Variants in TWF2 observed in about 807,000 individuals in gnomAD.
The protein encoded by TWF2 is twinfilin-2.
A neutral mutation model predicts 45.1 loss-of-function variants in TWF2; 15 were observed. The observed-to-expected ratio is 0.33, with a 90% CI of 0.22 to 0.51. The LOEUF is 0.51. Ranked by LOEUF, TWF2 falls within the 20% of genes least tolerant of loss-of-function variation. TWF2 has a pLI of 0.97. For missense variants in TWF2, 423 were observed against 469.1 expected (o/e 0.90, Z 0.91); for synonymous variants, 177 against 195.8 (o/e 0.90, Z 0.80).
At chr3:52,234,948 G>A in intron 2 of TWF2, 81 bp downstream of exon 2, 1 of 1,523,660 alleles carries the variant, frequency 6.6e-7, no homozygotes, top group Non-Finnish European at 9.0e-7. Flanking sequence ...CAGGCCAGGG[G>A]CCAACATCCT....
At chr3:52,231,737 CA>C (rs1699680871) in intron 3 of TWF2, among the ~76,000 whole-genome samples, 198 bp from the exon 4 acceptor site, 1 of 152,236 alleles carries the variant, frequency 6.6e-6, no homozygotes, top group Non-Finnish European at 1.5e-5. Context: ...CCTCCGGAGC[CA>C]GGCTGATGCC....
intron 5 of TWF2, 21 bp downstream of exon 5, chr3:52,231,106 G>C: frequency 6.2e-7 from 1 of 1,613,882 alleles, no homozygotes; most frequent in East Asian, 2.2e-5. Context: ...CTCAAGGCTG[G>C]GGCCTCTGCT....
At chr3:52,233,434 T>C (rs1443506177) in intron 2 of TWF2, among the ~76,000 whole-genome samples, 2 of 152,208 alleles carry the variant, frequency 1.3e-5, no homozygotes, top group Non-Finnish European at 2.9e-5. Context: ...ATTTTCAAAC[T>C]GGGAAATTTT....
chr3:52,231,029 C>A (rs1215763416), intron 5 of TWF2, 34 bp from the exon 6 acceptor site: 1 of 1,609,658 alleles, frequency 6.2e-7, no homozygotes. Flanking sequence ...GAGGCCCTCA[C>A]CGGCCCAAAG....
At chr3:52,230,383 C>T (rs1018421239) in intron 6 of TWF2, among the ~76,000 whole-genome samples, 2 of 152,234 alleles carry the variant, frequency 1.3e-5, no homozygotes, top group African/African-American at 4.8e-5. Flanking sequence ...TGCCACTGGG[C>T]CAGCCCATCC....
chr3:52,231,299 G>A (rs1699675411), intron 4 of TWF2, 68 bp from the exon 5 acceptor site: 1 of 1,588,976 alleles, frequency 6.3e-7, no homozygotes, highest in Admixed American at 1.7e-5. Flanking sequence ...GAGGCCCACG[G>A]AGCACGCCAG....
chr3:52,231,317 C>T, intron 4 of TWF2, 86 bp from the exon 5 acceptor site: 1 of 1,574,514 alleles, frequency 6.4e-7, no homozygotes, highest in Non-Finnish European at 8.7e-7. Flanking sequence ...CAGCTTGCAG[C>T]CCTTGGACTC....
In TWF2 at chr3:52,231,251, T is replaced by C; in HGVS notation, c.379-20A>G. 6.2e-7 allele frequency: 1 copy of C among 1,613,532 alleles called. No homozygotes were observed. The highest frequency in any genetic ancestry group is 8.5e-7 in the Non-Finnish European group (1 of 1,179,586). ...GTCATCCTGCAGGGGTGGGGGTGAATGCAGAGCCATAAATGGGCACCTGGG... is the reference window on the plus strand; with the variant it reads ...GTCATCCTGCAGGGGTGGGGGTGAACGCAGAGCCATAAATGGGCACCTGGG... On this transcript the variant is annotated intron_variant, in intron 4 of 8. Coordinates refer to ENST00000305533, the MANE Select transcript of TWF2 (RefSeq NM_007284.4).
Position 52,231,124 on chromosome 3 carries a change from C to A in TWF2, c.483+3G>T, listed in dbSNP as rs2107301618. On this transcript the variant is annotated splice_donor_region_variant and intron_variant, in intron 5 of 8. Transcript: ENST00000305533. ...AAGGCTGGGGCCTCTGCTCCCCACC[C>A]ACCTCGTTAATGCGGATCTGCTGGA... 6.2e-7 allele frequency: 1 copy of A among 1,614,020 alleles called. No homozygotes were observed. The highest frequency in any genetic ancestry group is 1.1e-5 in the South Asian group (1 of 91,072).
rs1699652441 is a variant in TWF2, at chr3:52,229,093, C to G, written c.991G>C (p.Gly331Arg). ...ATGAGGCGCTTATGGCCCCGCTTGCCCCCTGGGCCCTTGGGCTTGGCGAAG... is the reference window on the plus strand; with the variant it reads ...ATGAGGCGCTTATGGCCCCGCTTGCGCCCTGGGCCCTTGGGCTTGGCGAAG... Reference protein sequence around the residue: ...QAFAKPKGPGGKRGHKRLIRG... With the variant: ...QAFAKPKGPGRKRGHKRLIRG... Residue 331 changes from glycine (G) to arginine (R), a missense_variant, in exon 9 of 9, where the codon GGC (glycine) becomes CGC (arginine). Coordinates refer to ENST00000305533, the MANE Select transcript of TWF2 (RefSeq NM_007284.4). The G allele has an allele frequency of 6.2e-7, 1 of 1,613,216 alleles. No homozygotes were observed. Among genetic ancestry groups the G allele is most frequent in the African/African-American group, 1.3e-5 (1 of 74,932 alleles).
intron 2 of TWF2, chr3:52,232,329 C>T (rs1699686554): frequency 8.0e-6 from 5 of 628,664 alleles, no homozygotes; most frequent in Non-Finnish European, 1.4e-5. Flanking sequence ...TGGGGGCTGC[C>T]CCCCTGCACA....
At chr3:52,231,655 G>T in intron 3 of TWF2, 116 bp from the exon 4 acceptor site, 1 of 1,210,518 alleles carries the variant, frequency 8.3e-7, no homozygotes, top group Non-Finnish European at 1.1e-6. Flanking sequence ...CCTGGCAGAG[G>T]GCCAGCCCGG....
At chr3:52,230,543 C>G (rs1026291468) in intron 6 of TWF2, among the ~76,000 whole-genome samples, 2 of 152,134 alleles carry the variant, frequency 1.3e-5, no homozygotes, top group Admixed American at 1.3e-4. Context: ...CAGGAAGGGC[C>G]TCGGGGCTGA....
At chr3:52,235,570 A>G (rs902736010) in intron 1 of TWF2, among the ~76,000 whole-genome samples, 1 of 152,148 alleles carries the variant, frequency 6.6e-6, no homozygotes, top group African/African-American at 2.4e-5. Flanking sequence ...ACACAGCTCA[A>G]TCCAGCATGT....
At position 52,231,216 on chromosome 3, in the gene TWF2, C is replaced by T. The variant is rs1699674414; in HGVS notation, c.394G>A (p.Ala132Thr). ...FGTVKDDLSF[A>T]GYQKHLSSCA... Reference sequence around the variant, plus strand: ...GACGACAGGTGTTTCTGGTACCCAGCAAAAGAGAGGTCATCCTGCAGGGGT... The same window carrying T: ...GACGACAGGTGTTTCTGGTACCCAGTAAAAGAGAGGTCATCCTGCAGGGGT... Residue 132 changes from alanine (A) to threonine (T), a missense_variant, in exon 5 of 9, where the codon GCT (alanine) becomes ACT (threonine). Coordinates refer to ENST00000305533, the MANE Select transcript of TWF2 (RefSeq NM_007284.4). The T allele has an allele frequency of 6.2e-7, 1 of 1,614,032 alleles. No homozygotes were observed.
chr3:52,235,368 A>G (rs2107304606), intron 1 of TWF2, among the ~76,000 whole-genome samples: 1 of 152,314 alleles, frequency 6.6e-6, no homozygotes, highest in East Asian at 1.9e-4. Flanking sequence ...CCACCAGAAG[A>G]TGGGCAGGCT....
At chr3:52,231,707 CT>C (rs1699680432) in intron 3 of TWF2, among the ~76,000 whole-genome samples, 168 bp from the exon 4 acceptor site, 1 of 152,224 alleles carries the variant, frequency 6.6e-6, no homozygotes, top group Non-Finnish European at 1.5e-5. Flanking sequence ...AGGGGGAGCC[CT>C]CGTCCAGCCT....
chr3:52,237,121 G>A (rs1699734031), intron 1 of TWF2, among the ~76,000 whole-genome samples: 7 of 152,136 alleles, frequency 4.6e-5, no homozygotes, highest in Admixed American at 4.6e-4. Flanking sequence ...CAGAAGGAAG[G>A]CCAAGAAGCT....
chr3:52,237,764 G>T (rs1699741014), intron 1 of TWF2, among the ~76,000 whole-genome samples: 1 of 152,188 alleles, frequency 6.6e-6, no homozygotes, highest in Non-Finnish European at 1.5e-5. Flanking sequence ...CCTGACCCAG[G>T]CCCCTGCCTT....
Sources: gnomAD v4.1 joint callset for allele counts (sites outside exome capture counted in the v4.1 genomes callset) on GRCh38, gnomAD v4.1.1 for gene constraint, MANE v1.5 for transcripts, NCBI Gene and HGNC (gene_info 2026-07-23, HGNC 2026-07-21) for gene names.